Variants in CDH11 observed in about 807,000 individuals in gnomAD.
The protein encoded by CDH11 is cadherin 11.
Under a neutral mutation model 67.8 loss-of-function variants are expected in CDH11, and 11 were observed. The observed-to-expected ratio is 0.16, with a 90% CI of 0.10 to 0.27. CDH11 has a LOEUF of 0.27. Ranked by LOEUF, CDH11 falls within the 10% of genes least tolerant of loss-of-function variation. The pLI is 1.00. For synonymous variants in CDH11, 419 were observed against 400.0 expected (o/e 1.05, Z -0.57); for missense variants, 847 against 1,031.2 (o/e 0.82, Z 2.45).
At chr16:65,117,351 T>G (rs887954602) in intron 1 of CDH11, among the ~76,000 whole-genome samples, 3 of 152,242 alleles carry the variant, frequency 2.0e-5, no homozygotes, top group African/African-American at 7.2e-5. Context: ...AGTTTTCCTC[T>G]TAATTATAAT....
In CDH11 at chr16:65,004,957, C is replaced by T. The variant is rs762653034; in HGVS notation, c.-88G>A. 1.2e-4 allele frequency: 168 copies of T among 1,437,870 alleles called. No individual in the cohort carries two copies. The highest frequency in any genetic ancestry group is 1.4e-4 in the Non-Finnish European group (154 of 1,091,292). The allele number at this position is 1,437,870 out of a possible 1,614,324, so 89.1% of individuals were successfully genotyped here. Reference sequence around the variant, plus strand: ...GTCTTGCTGAGGGTGGCCTCCCGGACGCGTCACGCAGACCTCTCTTGGGAT... The same window carrying T: ...GTCTTGCTGAGGGTGGCCTCCCGGATGCGTCACGCAGACCTCTCTTGGGAT... On this transcript the variant is annotated 5_prime_UTR_variant, in exon 3 of 13. Transcript: ENST00000268603.
At chr16:65,075,499 C>A (rs1401715897) in intron 1 of CDH11, among the ~76,000 whole-genome samples, 1 of 152,160 alleles carries the variant, frequency 6.6e-6, no homozygotes, top group Non-Finnish European at 1.5e-5. Flanking sequence ...CACACTAATG[C>A]TCAAGGCTGT....
At chr16:65,091,526 T>C (rs1219590332) in intron 1 of CDH11, among the ~76,000 whole-genome samples, 2 of 151,984 alleles carry the variant, frequency 1.3e-5, no homozygotes, top group Admixed American at 1.3e-4. Context: ...TTTCTGTGTG[T>C]GTCTTTCCTC....
rs2071240204 is a variant in CDH11 at position 64,947,999 on chromosome 16, A to G, written c.1995T>C (p.Asp665=). ...DVRENIITYD[D]EGGGEEDTEA... ...CTGTGTCTTCTTCCCCACCCCCTTC[A>G]TCATCATAAGTAATGATGTTCTCAC... Residue 665 remains aspartate (D), a synonymous_variant, in exon 13 of 13, where the codon GAT becomes GAC. Transcript: ENST00000268603. 6.2e-7 allele frequency: 1 copy of G among 1,614,018 alleles called. No individual in the cohort carries two copies. Among genetic ancestry groups the G allele is most frequent in the Non-Finnish European group, 8.5e-7 (1 of 1,180,028 alleles).
intron 2 of CDH11, among the ~76,000 whole-genome samples, chr16:65,035,853 G>T (rs991755226): frequency 3.9e-5 from 6 of 152,112 alleles, no homozygotes; most frequent in Admixed American, 3.3e-4. Flanking sequence ...CTGAGAGTTG[G>T]ACTGAGGCTG....
At position 64,998,573 on chromosome 16, in the gene CDH11, C is replaced by A. The variant is rs756528586; in HGVS notation, c.512G>T (p.Arg171Met). The change falls in exon 4 of 13, where the codon AGG becomes ATG. Residue 171 changes from arginine (R) to methionine (M), a missense_variant. Coordinates refer to ENST00000268603, the MANE Select transcript of CDH11 (RefSeq NM_001797.4). ...CACACCGTACGCACCCACATTGGAC[C>A]TCTCAGGCACGTTGGCATGATAGGT... ...HETYHANVPE[R>M]SNVGTSVIQV... 6 of 1,614,070 alleles carry A rather than the reference C, an allele frequency of 3.7e-6. No homozygotes were observed. The South Asian group carries it at 6.6e-5, about 18-fold the overall frequency.
chr16:64,977,942 A>G (rs1433066327), intron 8 of CDH11, among the ~76,000 whole-genome samples: 2 of 152,202 alleles, frequency 1.3e-5, no homozygotes, highest in Non-Finnish European at 2.9e-5. Flanking sequence ...AAGCAACCCA[A>G]CACCACTTAT....
At chr16:65,043,342 T>C (rs1250107908) in intron 2 of CDH11, among the ~76,000 whole-genome samples, 1 of 152,136 alleles carries the variant, frequency 6.6e-6, no homozygotes, top group South Asian at 2.1e-4. Context: ...GAGTTTAGCA[T>C]GGGGATGTTT....
chr16:65,059,374 A>T (rs2142735075), intron 1 of CDH11: 1 of 152,264 alleles, frequency 6.6e-6, no homozygotes, highest in Admixed American at 6.5e-5. Context: ...TCTTACTACG[A>T]TTATCTTCAT....
chr16:65,091,651 A>G (rs1360732548), intron 1 of CDH11, among the ~76,000 whole-genome samples: 1 of 149,574 alleles, frequency 6.7e-6, no homozygotes, highest in East Asian at 2.0e-4. Flanking sequence ...TCCTGGGTTC[A>G]CGCCATTCTC....
chr16:64,975,169 T>G (rs759822469), intron 8 of CDH11, among the ~76,000 whole-genome samples: 2 of 152,160 alleles, frequency 1.3e-5, no homozygotes, highest in Non-Finnish European at 2.9e-5. Context: ...ATAATAAATG[T>G]TTAAGATACA....
intron 2 of CDH11, among the ~76,000 whole-genome samples, chr16:65,015,258 G>A (rs887554453): frequency 9.9e-5 from 15 of 151,870 alleles, no homozygotes; most frequent in African/African-American, 3.6e-4. Context: ...TCTTGCAAGA[G>A]TAAGTAATAT....
Position 64,944,786 on chromosome 16 carries a change from G to C in CDH11, c.*2817C>G, listed in dbSNP as rs923261520. 4.8e-5 allele frequency: 11 copies of C among 230,170 alleles called. No individual in the cohort carries two copies. Among genetic ancestry groups the C allele is most frequent in the Admixed American group, 2.8e-4 (5 of 17,640 alleles). The allele number at this position is 230,170 out of a possible 1,614,324, so 14.3% of individuals were successfully genotyped here. On this transcript the variant is annotated 3_prime_UTR_variant, in exon 13 of 13. Coordinates refer to ENST00000268603, the MANE Select transcript of CDH11 (RefSeq NM_001797.4). ...AATTGCCACAGCTGGCCTAATTTCCGCTCACACTCTATATCTCACCATCTC... is the reference window on the plus strand; with the variant it reads ...AATTGCCACAGCTGGCCTAATTTCCCCTCACACTCTATATCTCACCATCTC...
In CDH11 at chr16:65,066,297, G is replaced by T. The variant is rs571892210; in HGVS notation, c.-297-12369C>A. On this transcript the variant is annotated intron_variant, in intron 1 of 12. Transcript: ENST00000268603. ...AGTCCACCTTCCCAACTACACACAC[G>T]CACAAAGCTTACACTGTGGCATCAT... Among the ~76,000 whole-genome samples, 3 of 152,054 alleles carry T rather than the reference G, an allele frequency of 2.0e-5. No homozygotes were observed. In the East Asian group the frequency reaches 5.8e-4, roughly 29 times the overall value.
At chr16:65,115,490 G>A (rs2075227107) in intron 1 of CDH11, among the ~76,000 whole-genome samples, 2 of 152,052 alleles carry the variant, frequency 1.3e-5, no homozygotes, top group African/African-American at 4.8e-5. Flanking sequence ...GACAGGGCAA[G>A]CAACCCCAGC....
rs577093974 is a variant in CDH11, at chr16:65,028,176, T to C, written c.-172-23135A>G. 6.0e-4 allele frequency among the ~76,000 whole-genome samples: 91 copies of C among 152,306 alleles called. 1 individual carries two copies. The highest frequency in any genetic ancestry group is 2.7e-3 in the East Asian group (14 of 5,162). ...ATGCCTTGTTTCCTGGGAAACCCAC[T>C]GTCTGGGCCTCACCATGACTGACCG... is the stretch of plus-strand genomic sequence containing the variant. On this transcript the variant is annotated intron_variant, in intron 2 of 12. Transcript: ENST00000268603.
intron 8 of CDH11, among the ~76,000 whole-genome samples, chr16:64,977,279 A>G (rs2142443034): frequency 6.6e-6 from 1 of 152,304 alleles, no homozygotes; most frequent in East Asian, 1.9e-4. Flanking sequence ...AGTAGGTGGG[A>G]GTGGGCGGTT....
At chr16:65,044,052 A>G (rs1287651039) in intron 2 of CDH11, among the ~76,000 whole-genome samples, 1 of 152,120 alleles carries the variant, frequency 6.6e-6, no homozygotes, top group Non-Finnish European at 1.5e-5. Context: ...GGAGGAGAGG[A>G]TCTTGTCCCT....
At chr16:65,033,147 C>G (rs1012162973) in intron 2 of CDH11, among the ~76,000 whole-genome samples, 1 of 151,870 alleles carries the variant, frequency 6.6e-6, no homozygotes, top group African/African-American at 2.4e-5. Flanking sequence ...GTTCTTCCAT[C>G]TAATAAGTGA....
Sources: allele counts gnomAD v4.1 joint callset (sites outside exome capture counted in the v4.1 genomes callset), GRCh38; gene constraint gnomAD v4.1.1; transcripts MANE v1.5; gene names NCBI Gene and HGNC (gene_info 2026-07-23, HGNC 2026-07-21).